Variants in PDE7A observed in about 807,000 individuals in gnomAD.
The protein encoded by PDE7A is high affinity 3',5'-cyclic-AMP phosphodiesterase 7A.
PDE7A carries 39 observed loss-of-function variants against 64.3 expected under a neutral mutation model. The observed-to-expected ratio is 0.61, with a 90% CI of 0.47 to 0.79. The LOEUF (loss-of-function observed/expected upper bound fraction) is 0.79. Ranked by LOEUF, PDE7A falls within the 30% of genes least tolerant of loss-of-function variation. The probability of loss-of-function intolerance (pLI) is 0.00; values close to 1 mark genes in which losing one functional copy is unlikely to be tolerated. For synonymous variants in PDE7A, 203 were observed against 206.8 expected (o/e 0.98, Z 0.16); for missense variants, 470 against 582.8 (o/e 0.81, Z 1.99).
chr8:65,739,732 C>T (rs1055844337), intron 5 of PDE7A, 135 bp from the exon 6 acceptor site: 2 of 924,842 alleles, frequency 2.2e-6, no homozygotes, highest in African/African-American at 3.4e-5. Flanking sequence ...CAAAAATATG[C>T]ATCTTCTTAC....
At chr8:65,775,996 T>A (rs897754681) in intron 3 of PDE7A, among the ~76,000 whole-genome samples, 1 of 152,194 alleles carries the variant, frequency 6.6e-6, no homozygotes, top group African/African-American at 2.4e-5. Flanking sequence ...AATTCCCATC[T>A]TTCTGTTCTC....
At chr8:65,723,829 G>C (rs906021710) in intron 11 of PDE7A, among the ~76,000 whole-genome samples, 1 of 152,118 alleles carries the variant, frequency 6.6e-6, no homozygotes, top group Middle Eastern at 3.2e-3. Context: ...TAAATGCAAG[G>C]TGTTACCCCA....
intron 7 of PDE7A, among the ~76,000 whole-genome samples, chr8:65,731,329 C>T (rs1348350662): frequency 1.3e-5 from 2 of 152,164 alleles, no homozygotes; most frequent in Non-Finnish European, 2.9e-5. Flanking sequence ...ACGTGCAGGG[C>T]CAGGCTCTTT....
intron 1 of PDE7A, among the ~76,000 whole-genome samples, chr8:65,828,301 A>G (rs933602230): frequency 6.6e-6 from 1 of 152,130 alleles, no homozygotes; most frequent in African/African-American, 2.4e-5. Context: ...ATTTTATCCA[A>G]AAATACAGAT....
intron 1 of PDE7A, among the ~76,000 whole-genome samples, chr8:65,833,251 A>G (rs1033212007): frequency 6.6e-6 from 1 of 152,188 alleles, no homozygotes; most frequent in Non-Finnish European, 1.5e-5. Context: ...TTTTCTCCAG[A>G]GAAGTGGTTT....
At chr8:65,820,516 G>A (rs556488817) in intron 1 of PDE7A, among the ~76,000 whole-genome samples, 2 of 150,950 alleles carry the variant, frequency 1.3e-5, no homozygotes, top group East Asian at 3.9e-4. Context: ...TTTGGTGGTT[G>A]AACTATTAAT....
chr8:65,770,149 G>A (rs1375023373), intron 3 of PDE7A, among the ~76,000 whole-genome samples: 1 of 149,622 alleles, frequency 6.7e-6, no homozygotes, highest in Non-Finnish European at 1.5e-5. Flanking sequence ...GTGTGTGTGT[G>A]TGTGTGTGTG....
chr8:65,830,286 A>C (rs1810784796), intron 1 of PDE7A, among the ~76,000 whole-genome samples: 1 of 151,946 alleles, frequency 6.6e-6, no homozygotes, highest in Non-Finnish European at 1.5e-5. Flanking sequence ...TTTTCAAATC[A>C]AGGTGTCACC....
At chr8:65,809,902 G>C (rs541272844) in intron 1 of PDE7A, among the ~76,000 whole-genome samples, 116 of 152,304 alleles carry the variant, frequency 7.6e-4, no homozygotes, top group African/African-American at 2.7e-3. Context: ...GTTGGTGGGA[G>C]TGTAAATTAG....
At chr8:65,825,424 C>T (rs192750215) in intron 1 of PDE7A, among the ~76,000 whole-genome samples, 1 of 152,162 alleles carries the variant, frequency 6.6e-6, no homozygotes, top group African/African-American at 2.4e-5. Flanking sequence ...AGCCTCCACA[C>T]CAGCATAGCA....
At chr8:65,727,496 C>T (rs1422325680) in intron 7 of PDE7A, 195 bp from the exon 8 acceptor site, 6 of 607,186 alleles carry the variant, frequency 9.9e-6, no homozygotes, top group Non-Finnish European at 1.6e-5. Context: ...ACTGGCAAAG[C>T]CATGATACAA....
intron 3 of PDE7A, among the ~76,000 whole-genome samples, chr8:65,777,445 G>C (rs1480830743): frequency 6.6e-6 from 1 of 151,982 alleles, no homozygotes; most frequent in Non-Finnish European, 1.5e-5. Flanking sequence ...TTATATTCCT[G>C]GAAAAATACT....
chr8:65,733,492 G>C (rs1012335180), intron 7 of PDE7A, among the ~76,000 whole-genome samples: 3 of 152,080 alleles, frequency 2.0e-5, no homozygotes, highest in Non-Finnish European at 4.4e-5. Flanking sequence ...AATAGAGTGA[G>C]ACCCTGTCTC....
At chr8:65,724,728 A>G (rs771069170) in intron 10 of PDE7A, 49 bp downstream of exon 10, 2 of 1,464,580 alleles carry the variant, frequency 1.4e-6, no homozygotes, top group South Asian at 2.5e-5. Context: ...TTAGTTTGAC[A>G]GTCACATAAT....
In PDE7A at chr8:65,719,021, T is replaced by C; in HGVS notation, c.*269A>G. 1 of 488,294 alleles carries C rather than the reference T, an allele frequency of 2.0e-6. No individual in the cohort carries two copies. Among genetic ancestry groups the C allele is most frequent in the Non-Finnish European group, 3.7e-6 (1 of 269,536 alleles). The allele number at this position is 488,294 out of a possible 1,614,324, so 30.2% of individuals were successfully genotyped here. A position where few individuals can be genotyped will look rare whatever the true frequency, so the allele number is the denominator to read the frequency against. ...GTCGTGGCACATATCAAAACTTCCT[T>C]TGTTACTCCTTTCGGATTCTCTCCT... On this transcript the variant is annotated 3_prime_UTR_variant, in exon 13 of 13. Transcript: ENST00000401827.
At chr8:65,758,502 C>A (rs1330310593) in intron 3 of PDE7A, among the ~76,000 whole-genome samples, 1 of 152,178 alleles carries the variant, frequency 6.6e-6, no homozygotes, top group Non-Finnish European at 1.5e-5. Context: ...TTCACCAGAT[C>A]CACCAGAAAA....
intron 1 of PDE7A, among the ~76,000 whole-genome samples, chr8:65,795,872 T>C (rs1021193189): frequency 2.6e-5 from 4 of 151,406 alleles, no homozygotes; most frequent in African/African-American, 9.7e-5. Context: ...ATTAAGATAA[T>C]AGAATTGGTA....
intron 1 of PDE7A, among the ~76,000 whole-genome samples, chr8:65,807,988 T>C (rs1428742221): frequency 6.6e-6 from 1 of 152,196 alleles, no homozygotes; most frequent in African/African-American, 2.4e-5. Context: ...TTCTGGCTGA[T>C]ACAACGAGTG....
intron 3 of PDE7A, among the ~76,000 whole-genome samples, chr8:65,754,963 A>AAAAAAT (rs1286074612): frequency 6.6e-6 from 1 of 151,388 alleles, no homozygotes; most frequent in Non-Finnish European, 1.5e-5. Flanking sequence ...GACTCCCTCA[A>AAAAAAT]AAAAATAAAA....
Sources: allele counts gnomAD v4.1 joint callset (sites outside exome capture counted in the v4.1 genomes callset), GRCh38; gene constraint gnomAD v4.1.1; transcripts MANE v1.5; gene names NCBI Gene and HGNC (gene_info 2026-07-23, HGNC 2026-07-21).